The following ARL15 variants were observed in gnomAD, a reference collection of about 807,000 sequenced individuals.
The protein encoded by ARL15 is ADP-ribosylation factor-like protein 15.
Under a neutral mutation model 25.2 loss-of-function variants are expected in ARL15, and 19 were observed. The ratio of observed to expected loss-of-function variants is 0.75; its 90% CI spans 0.53 to 1.10. The LOEUF (loss-of-function observed/expected upper bound fraction) is 1.10, where lower values mean the gene tolerates loss of function less well. Ranked by LOEUF, ARL15 falls within the 50% of genes least tolerant of loss-of-function variation. The probability of loss-of-function intolerance (pLI) is 0.00; values close to 1 mark genes in which losing one functional copy is unlikely to be tolerated. For missense variants in ARL15, 220 were observed against 246.0 expected (o/e 0.89, Z 0.71); for synonymous variants, 94 against 86.8 (o/e 1.08, Z -0.46).
intron 1 of ARL15, among the ~76,000 whole-genome samples, chr5:54,303,100 C>A (rs1310634294): frequency 6.6e-6 from 1 of 152,132 alleles, no homozygotes; most frequent in Admixed American, 6.5e-5. Flanking sequence ...AAAGTTAATA[C>A]CATCAGGAGA....
intron 1 of ARL15, among the ~76,000 whole-genome samples, chr5:54,258,267 A>G (rs893027812): frequency 6.6e-6 from 1 of 151,884 alleles, no homozygotes; most frequent in Non-Finnish European, 1.5e-5. Context: ...TCAACTTGGG[A>G]GGCTGAGCTG....
intron 4 of ARL15, among the ~76,000 whole-genome samples, chr5:54,082,919 C>T (rs1751849422): frequency 6.6e-6 from 1 of 152,120 alleles, no homozygotes; most frequent in South Asian, 2.1e-4. Context: ...CTAATTTTAT[C>T]ATTTTATTTC....
At chr5:54,132,458 AC>A (rs1428276573) in intron 3 of ARL15, among the ~76,000 whole-genome samples, 2 of 152,180 alleles carry the variant, frequency 1.3e-5, no homozygotes, top group African/African-American at 2.4e-5. Flanking sequence ...TTCACTAAAA[AC>A]AGTCATATTT....
intron 3 of ARL15, among the ~76,000 whole-genome samples, chr5:54,125,863 A>C (rs1753236552): frequency 6.6e-6 from 1 of 152,188 alleles, no homozygotes; most frequent in African/African-American, 2.4e-5. Context: ...AATGAACTAC[A>C]GGGAGAAAAA....
intron 4 of ARL15, 73 bp from the exon 5 acceptor site, chr5:53,886,786 G>A: frequency 1.4e-6 from 2 of 1,383,988 alleles, no homozygotes; most frequent in Non-Finnish European, 1.9e-6. Flanking sequence ...AATTCTGAGG[G>A]ATAAAGTAGG....
chr5:54,262,610 T>C (rs915354160), intron 1 of ARL15, among the ~76,000 whole-genome samples: 1 of 152,190 alleles, frequency 6.6e-6, no homozygotes, highest in African/African-American at 2.4e-5. Context: ...TTGTAGCTAA[T>C]AATTATTGTC....
intron 4 of ARL15, among the ~76,000 whole-genome samples, chr5:54,014,523 T>C (rs1749349505): frequency 2.5e-5 from 2 of 81,104 alleles, no homozygotes; most frequent in South Asian, 9.7e-4. Context: ...CAAGTCCCCA[T>C]TCTTTTTTTT....
At chr5:53,974,166 T>C (rs1226866240) in intron 4 of ARL15, among the ~76,000 whole-genome samples, 1 of 152,214 alleles carries the variant, frequency 6.6e-6, no homozygotes, top group Admixed American at 6.5e-5. Flanking sequence ...GCTACTGTCA[T>C]GTACCCACCT....
At chr5:54,039,817 A>AC (rs1460520296) in intron 4 of ARL15, among the ~76,000 whole-genome samples, 26 of 151,344 alleles carry the variant, frequency 1.7e-4, no homozygotes, top group African/African-American at 5.6e-4. Context: ...AAAAAAAAAA[A>AC]AAAAAAAAAC....
intron 4 of ARL15, among the ~76,000 whole-genome samples, chr5:54,076,308 G>A (rs1362595828): frequency 6.6e-6 from 1 of 151,610 alleles, no homozygotes; most frequent in Non-Finnish European, 1.5e-5. Flanking sequence ...GTAGTTCCAG[G>A]TATTCGGGAG....
intron 1 of ARL15, among the ~76,000 whole-genome samples, chr5:54,201,991 T>C (rs1755737346): frequency 6.6e-6 from 1 of 152,114 alleles, no homozygotes; most frequent in Admixed American, 6.6e-5. Context: ...CACAAAAACA[T>C]GGGTACCAAC....
chr5:54,194,690 G>A (rs2112465422), intron 1 of ARL15, among the ~76,000 whole-genome samples: 1 of 152,260 alleles, frequency 6.6e-6, no homozygotes, highest in Non-Finnish European at 1.5e-5. Flanking sequence ...GAGGAGAGGA[G>A]GGAGGTAACA....
chr5:54,178,058 G>C (rs904823806), intron 1 of ARL15, among the ~76,000 whole-genome samples: 2 of 152,168 alleles, frequency 1.3e-5, no homozygotes, highest in South Asian at 4.1e-4. Flanking sequence ...GGTTCAAAAA[G>C]CTTAATCTTA....
intron 1 of ARL15, among the ~76,000 whole-genome samples, chr5:54,192,760 CGTAA>C (rs1381982279): frequency 6.6e-6 from 1 of 151,818 alleles, no homozygotes; most frequent in African/African-American, 2.4e-5. Flanking sequence ...AAACAGAAAA[CGTAA>C]GTGTCATGAA....
chr5:53,949,578 T>C (rs940798359), intron 4 of ARL15, among the ~76,000 whole-genome samples: 27 of 152,188 alleles, frequency 1.8e-4, no homozygotes, highest in African/African-American at 6.0e-4. Flanking sequence ...AAATACAGAA[T>C]TAATGGGCTT....
intron 1 of ARL15, among the ~76,000 whole-genome samples, chr5:54,233,562 G>A (rs1302431442): frequency 6.6e-6 from 1 of 152,200 alleles, no homozygotes. Context: ...AGACCAATGT[G>A]TAATATTACA....
At chr5:54,283,906 T>C (rs1489488812) in intron 1 of ARL15, among the ~76,000 whole-genome samples, 1 of 152,206 alleles carries the variant, frequency 6.6e-6, no homozygotes, top group Non-Finnish European at 1.5e-5. Context: ...TTTTTGCTCT[T>C]CTGCCTTTCC....
At chr5:54,040,279 C>T (rs1244752385) in intron 4 of ARL15, among the ~76,000 whole-genome samples, 2 of 152,072 alleles carry the variant, frequency 1.3e-5, no homozygotes, top group Non-Finnish European at 2.9e-5. Context: ...CACTTTGTCC[C>T]TCTTTTAATG....
chr5:53,949,362 A>G (rs1270824715), intron 4 of ARL15, among the ~76,000 whole-genome samples: 1 of 152,246 alleles, frequency 6.6e-6, no homozygotes, highest in East Asian at 1.9e-4. Context: ...CAGCACTTAT[A>G]ACAGTTTGAC....
Sources: allele counts gnomAD v4.1 joint callset (sites outside exome capture counted in the v4.1 genomes callset), GRCh38; gene constraint gnomAD v4.1.1; transcripts MANE v1.5; gene names NCBI Gene and HGNC (gene_info 2026-07-23, HGNC 2026-07-21).